Variants in EEPD1 observed in about 807,000 individuals in gnomAD.
EEPD1 encodes endonuclease/exonuclease/phosphatase family domain containing 1, also known as endonuclease/exonuclease/phosphatase family domain-containing protein 1.
In EEPD1, 17 loss-of-function variants were observed where a neutral mutation model predicts 46.3. The observed-to-expected ratio is 0.37, with a 90% CI of 0.25 to 0.55. The LOEUF is 0.55. EEPD1 is among the 20% of genes least tolerant of loss of function. The probability of loss-of-function intolerance (pLI) is 0.83; values close to 1 mark genes in which losing one functional copy is unlikely to be tolerated. For synonymous variants in EEPD1, 313 were observed against 315.6 expected (o/e 0.99, Z 0.09); for missense variants, 673 against 745.6 (o/e 0.90, Z 1.13).
At chr7:36,155,470 GT>G (rs1784811694) in intron 2 of EEPD1, among the ~76,000 whole-genome samples, 1 of 152,190 alleles carries the variant, frequency 6.6e-6, no homozygotes, top group Non-Finnish European at 1.5e-5. Context: ...CAGAGGTTGT[GT>G]TTTTGTTACT....
intron 2 of EEPD1, among the ~76,000 whole-genome samples, chr7:36,223,189 TAAG>T (rs1192127346): frequency 3.4e-5 from 5 of 148,220 alleles, no homozygotes; most frequent in Non-Finnish European, 6.1e-5. Context: ...AAAGTAATAA[TAAG>T]AAATAAATTT....
At chr7:36,162,233 A>G (rs1319149260) in intron 2 of EEPD1, among the ~76,000 whole-genome samples, 1 of 152,208 alleles carries the variant, frequency 6.6e-6, no homozygotes, top group Non-Finnish European at 1.5e-5. Context: ...TAATGTCTTG[A>G]TTGACAGCAG....
intron 2 of EEPD1, among the ~76,000 whole-genome samples, chr7:36,181,978 G>A (rs1395015026): frequency 3.9e-5 from 6 of 152,130 alleles, no homozygotes; most frequent in East Asian, 1.9e-4. Flanking sequence ...CATCTGTTGC[G>A]TTTCTTACCA....
intron 2 of EEPD1, among the ~76,000 whole-genome samples, chr7:36,226,238 T>C (rs1786229751): frequency 6.6e-6 from 1 of 152,174 alleles, no homozygotes; most frequent in African/African-American, 2.4e-5. Flanking sequence ...GTTTCAGTCT[T>C]TATTCTAATC....
At chr7:36,242,200 G>A (rs1786565895) in intron 3 of EEPD1, among the ~76,000 whole-genome samples, 1 of 152,180 alleles carries the variant, frequency 6.6e-6, no homozygotes, top group African/African-American at 2.4e-5. Context: ...TGACTAATTA[G>A]ATAGTTCACA....
intron 7 of EEPD1, among the ~76,000 whole-genome samples, chr7:36,297,631 A>C (rs1008033020): frequency 2.0e-5 from 3 of 152,244 alleles, no homozygotes; most frequent in Admixed American, 2.0e-4. Flanking sequence ...CTTCTAGCAA[A>C]CATTTGTCAA....
At chr7:36,159,142 T>G (rs1459903772) in intron 2 of EEPD1, among the ~76,000 whole-genome samples, 1 of 152,258 alleles carries the variant, frequency 6.6e-6, no homozygotes, top group African/African-American at 2.4e-5. Context: ...GTCATTTGAT[T>G]CATTCATTGA....
chr7:36,181,565 A>G (rs1336246051), intron 2 of EEPD1, among the ~76,000 whole-genome samples: 1 of 152,192 alleles, frequency 6.6e-6, no homozygotes, highest in African/African-American at 2.4e-5. Context: ...GTTGGCCTGT[A>G]TTCTGTGGCT....
chr7:36,285,128 TAC>T (rs1387196600), intron 5 of EEPD1, among the ~76,000 whole-genome samples: 1 of 152,160 alleles, frequency 6.6e-6, no homozygotes, highest in Non-Finnish European at 1.5e-5. Context: ...GAGATTTTCC[TAC>T]AGTCAGGGAT....
intron 2 of EEPD1, among the ~76,000 whole-genome samples, chr7:36,186,420 T>A (rs533840532): frequency 6.6e-6 from 1 of 152,280 alleles, no homozygotes; most frequent in African/African-American, 2.4e-5. Flanking sequence ...TAAGTGTGAT[T>A]CCCAGAGGGA....
At chr7:36,257,399 A>T (rs931895817) in intron 3 of EEPD1, among the ~76,000 whole-genome samples, 1 of 151,944 alleles carries the variant, frequency 6.6e-6, no homozygotes, top group African/African-American at 2.4e-5. Flanking sequence ...TCTCCTGGAT[A>T]ATATCCTGAA....
chr7:36,251,298 GTTTC>G (rs372389551), intron 3 of EEPD1, among the ~76,000 whole-genome samples: 18 of 151,660 alleles, frequency 1.2e-4, no homozygotes, highest in East Asian at 5.8e-4. Flanking sequence ...CTACTGGTAG[GTTTC>G]TTTCTTTCTT....
intron 2 of EEPD1, among the ~76,000 whole-genome samples, chr7:36,201,750 T>C (rs755301953): frequency 3.9e-5 from 6 of 152,114 alleles, no homozygotes; most frequent in Non-Finnish European, 7.4e-5. Context: ...TGCACCCTCT[T>C]GGATGGTGTT....
At chr7:36,241,521 T>TGTG (rs1786553464) in intron 3 of EEPD1, among the ~76,000 whole-genome samples, 1 of 151,920 alleles carries the variant, frequency 6.6e-6, no homozygotes, top group Admixed American at 6.6e-5. Context: ...AGCTAGCATA[T>TGTG]GTGGAGCCTA....
intron 3 of EEPD1, among the ~76,000 whole-genome samples, chr7:36,257,919 A>G (rs1786852771): frequency 6.6e-6 from 1 of 151,810 alleles, no homozygotes; most frequent in African/African-American, 2.4e-5. Context: ...GGTTTTTTGA[A>G]TTTTCAGCCT....
intron 3 of EEPD1, among the ~76,000 whole-genome samples, chr7:36,268,373 C>A (rs1212529038): frequency 6.6e-6 from 1 of 152,082 alleles, no homozygotes; most frequent in African/African-American, 2.4e-5. Flanking sequence ...CTTGTCCAGG[C>A]TGGTCTCGAA....
chr7:36,171,926 T>C (rs1785090462), intron 2 of EEPD1, among the ~76,000 whole-genome samples: 2 of 152,224 alleles, frequency 1.3e-5, no homozygotes, highest in Admixed American at 1.3e-4. Context: ...ACTGTGAAGT[T>C]CATTTTTGAT....
rs1052206716 is a variant in EEPD1 at position 36,154,932 on chromosome 7, C to T, written c.608C>T (p.Pro203Leu). 1 of 1,614,096 alleles carries T rather than the reference C, an allele frequency of 6.2e-7. No homozygotes were observed. The highest frequency in any genetic ancestry group is 1.1e-5 in the South Asian group (1 of 91,080). Reference sequence around the variant, plus strand: ...GTGTTTGCTGAGAGGTCCAGGCCCCCATCCACCCACACGAACGGGGGACTG... The same window carrying T: ...GTGTTTGCTGAGAGGTCCAGGCCCCTATCCACCCACACGAACGGGGGACTG... Reference protein sequence around the residue: ...HQVFAERSRPPSTHTNGGLTF... With the variant: ...HQVFAERSRPLSTHTNGGLTF... The change falls in exon 2 of 8, where the codon CCA (proline) becomes CTA (leucine). Residue 203 changes from proline to leucine, a missense_variant. Physicochemically the swap from Pro to Leu is moderately conservative, Grantham distance 98. Transcript: ENST00000242108. This position sits in a 1 kb window ranked among gnomAD's most constrained non-coding sequence, Gnocchi z 4.2.
At chr7:36,271,590 G>C (rs1258507437) in intron 3 of EEPD1, among the ~76,000 whole-genome samples, 2 of 151,846 alleles carry the variant, frequency 1.3e-5, no homozygotes, top group Non-Finnish European at 2.9e-5. Context: ...AGTTTCTTTT[G>C]CTGTGCAGAA....
Sources: allele counts gnomAD v4.1 joint callset (sites outside exome capture counted in the v4.1 genomes callset), GRCh38; gene constraint gnomAD v4.1.1; non-coding constraint Gnocchi (gnomAD v3.1); transcripts MANE v1.5; gene names NCBI Gene and HGNC (gene_info 2026-07-23, HGNC 2026-07-21).